The following ENTREP2 variants were observed in gnomAD, a reference collection of about 807,000 sequenced individuals.
The protein encoded by ENTREP2 is endosomal transmembrane epsin interactor 2, also known as protein ENTREP2.
At chr15:29,372,162 C>T in the ENTREP2 span, among the ~76,000 whole-genome samples, 1 of 152,130 alleles carries the variant, frequency 6.6e-6, no homozygotes, top group African/African-American at 2.4e-5. Flanking sequence ...GGTCCACTTA[C>T]ACATGGATCT....
the ENTREP2 span, among the ~76,000 whole-genome samples, chr15:29,642,715 C>A: frequency 1.3e-5 from 2 of 151,890 alleles, no homozygotes; most frequent in Non-Finnish European, 1.5e-5. Flanking sequence ...CAGGTTCAAG[C>A]GATTCTTCTG....
chr15:29,121,268 G>A, the ENTREP2 span: 1 of 152,266 alleles, frequency 6.6e-6, no homozygotes. Context: ...AGGCTGAGGG[G>A]GTCCAGTAGG....
At chr15:29,585,362 C>T in the ENTREP2 span, among the ~76,000 whole-genome samples, 10 of 152,002 alleles carry the variant, frequency 6.6e-5, no homozygotes, top group South Asian at 4.1e-4. Context: ...GTGAAACCCT[C>T]GAAAAAAAGA....
the ENTREP2 span, among the ~76,000 whole-genome samples, chr15:29,458,210 T>TACAACTCAACTCAA: frequency 6.6e-6 from 1 of 151,798 alleles, no homozygotes; most frequent in Non-Finnish European, 1.5e-5. Flanking sequence ...CAGGAGAAAA[T>TACAACTCAACTCAA]GAATGTCCCA....
chr15:29,550,202 C>T, the ENTREP2 span, among the ~76,000 whole-genome samples: 2 of 152,154 alleles, frequency 1.3e-5, no homozygotes, highest in South Asian at 2.1e-4. Flanking sequence ...GATAGGACAA[C>T]CTTGATAGCA....
chr15:29,616,573 T>A, the ENTREP2 span, among the ~76,000 whole-genome samples: 3 of 152,362 alleles, frequency 2.0e-5, no homozygotes, highest in East Asian at 5.8e-4. Context: ...TATGACTTGA[T>A]GATCTGATTG....
At chr15:29,443,615 T>A in the ENTREP2 span, among the ~76,000 whole-genome samples, 1 of 150,498 alleles carries the variant, frequency 6.6e-6, no homozygotes, top group Non-Finnish European at 1.5e-5. Context: ...CCTTTAGAGG[T>A]TTATTTTGCC....
At chr15:29,448,434 G>A in the ENTREP2 span, among the ~76,000 whole-genome samples, 2 of 152,192 alleles carry the variant, frequency 1.3e-5, no homozygotes, top group Non-Finnish European at 2.9e-5. Flanking sequence ...GAGTACCCAG[G>A]ACAGCTCTGA....
chr15:29,354,414 T>C, the ENTREP2 span, among the ~76,000 whole-genome samples: 1 of 152,166 alleles, frequency 6.6e-6, no homozygotes, highest in African/African-American at 2.4e-5. Flanking sequence ...TTGGTTCTGT[T>C]TCTCTGGAGA....
chr15:29,615,581 G>A, the ENTREP2 span, among the ~76,000 whole-genome samples: 1 of 152,048 alleles, frequency 6.6e-6, no homozygotes, highest in Non-Finnish European at 1.5e-5. Flanking sequence ...CCCCTTAAAA[G>A]GTGTAACATC....
the ENTREP2 span, among the ~76,000 whole-genome samples, chr15:29,625,053 A>G: frequency 6.6e-6 from 1 of 151,994 alleles, no homozygotes; most frequent in Admixed American, 6.6e-5. Flanking sequence ...AACAGCAACC[A>G]CTAACCTGTT....
the ENTREP2 span, among the ~76,000 whole-genome samples, chr15:29,495,010 G>T: frequency 6.6e-6 from 1 of 152,276 alleles, no homozygotes; most frequent in East Asian, 1.9e-4. Flanking sequence ...GTACATGGGG[G>T]TGTAGATTTA....
At chr15:29,570,975 G>A in the ENTREP2 span, among the ~76,000 whole-genome samples, 1 of 144,848 alleles carries the variant, frequency 6.9e-6, no homozygotes, top group South Asian at 2.1e-4. Context: ...GCCGCGCTGC[G>A]CCCTCCCCCG....
the ENTREP2 span, among the ~76,000 whole-genome samples, chr15:29,649,085 C>G: frequency 6.6e-6 from 1 of 151,086 alleles, no homozygotes; most frequent in Admixed American, 6.6e-5. Context: ...CACACACACA[C>G]ACACACAGCT....
At chr15:29,274,587 G>C in the ENTREP2 span, among the ~76,000 whole-genome samples, 1 of 152,214 alleles carries the variant, frequency 6.6e-6, no homozygotes, top group Non-Finnish European at 1.5e-5. Context: ...GGTTTACCCA[G>C]TACCTAGCAC....
At chr15:29,620,620 A>G in the ENTREP2 span, among the ~76,000 whole-genome samples, 1 of 152,110 alleles carries the variant, frequency 6.6e-6, no homozygotes, top group Non-Finnish European at 1.5e-5. Flanking sequence ...CCTGGGCGAC[A>G]GAGTGAGACC....
chr15:29,312,179 C>T, the ENTREP2 span, among the ~76,000 whole-genome samples: 3 of 152,188 alleles, frequency 2.0e-5, no homozygotes, highest in African/African-American at 7.2e-5. Context: ...CTCTTTAACA[C>T]TGGGTCTGAA....
At chr15:29,373,158 C>A in the ENTREP2 span, among the ~76,000 whole-genome samples, 3 of 151,062 alleles carry the variant, frequency 2.0e-5, no homozygotes, top group Non-Finnish European at 4.4e-5. Flanking sequence ...GTATTATGAT[C>A]TTAAGAAAAA....
the ENTREP2 span, among the ~76,000 whole-genome samples, chr15:29,664,448 C>CTT: frequency 4.8e-3 from 683 of 142,992 alleles, 2 homozygotes; most frequent in Middle Eastern, 0.029. Flanking sequence ...TTCTCTCTCT[C>CTT]TTTTTTTTTT....
Sources: allele counts gnomAD v4.1 joint callset (sites outside exome capture counted in the v4.1 genomes callset), GRCh38; gene constraint gnomAD v4.1.1; transcripts MANE v1.5; gene names NCBI Gene and HGNC (gene_info 2026-07-23, HGNC 2026-07-21).